Variants in NRXN3 observed in about 807,000 individuals in gnomAD.
NRXN3 encodes neurexin 3, also known as neurexin III.
Under a neutral mutation model 137.6 loss-of-function variants are expected in NRXN3, and 32 were observed. That is an observed-to-expected ratio of 0.23 (90% CI 0.18 to 0.31). The LOEUF (loss-of-function observed/expected upper bound fraction) is 0.31, where lower values mean the gene tolerates loss of function less well. Among genes scored for constraint, NRXN3 ranks in the 10% least tolerant of loss-of-function variants. The pLI, the probability that NRXN3 is intolerant of heterozygous loss-of-function variation, is 1.00. For missense variants in NRXN3, 1,574 were observed against 2,062.5 expected (o/e 0.76, Z 4.59); for synonymous variants, 798 against 784.5 (o/e 1.02, Z -0.29).
At chr14:79,023,928 G>A (rs547938772) in intron 15 of NRXN3, among the ~76,000 whole-genome samples, 1 of 152,100 alleles carries the variant, frequency 6.6e-6, no homozygotes, top group Non-Finnish European at 1.5e-5. Flanking sequence ...GGCCTTCTGT[G>A]CAGAGGGAAC....
rs148959107 is a variant in NRXN3, at chr14:79,647,851, G to A, written c.3445-15927G>A. On this transcript the variant is annotated intron_variant, in intron 16 of 20. Coordinates refer to ENST00000335750, the MANE Select transcript of NRXN3 (RefSeq NM_001330195.2). The stretch of plus-strand genomic sequence containing the variant: ...ATCCTCATGACAATCTCTCATGGTA[G>A]ATAGTATTTTTTCAGCATTGAAGGT... 2.8e-3 allele frequency among the ~76,000 whole-genome samples: 382 copies of A among 135,602 alleles called. 23 individuals carry two copies. Among genetic ancestry groups the A allele is most frequent in the African/African-American group, 8.9e-3 (364 of 40,884 alleles). The allele number at this position is 135,602 out of a possible 152,430, so 89.0% of individuals were successfully genotyped here. A position where few individuals can be genotyped will look rare whatever the true frequency, so the allele number is the denominator to read the frequency against.
chr14:78,627,128 CTCTCTCTCTCTCTCTCA>C, intron 4 of NRXN3, among the ~76,000 whole-genome samples: 1 of 146,854 alleles, frequency 6.8e-6, no homozygotes, highest in African/African-American at 2.7e-5. Flanking sequence ...CTCTCTCTCT[CTCTCTCTCTCTCTCTCA>C]TTTTTATTAG....
chr14:79,787,489 A>G (rs1481673571), intron 19 of NRXN3, among the ~76,000 whole-genome samples: 2 of 152,218 alleles, frequency 1.3e-5, no homozygotes, highest in Non-Finnish European at 2.9e-5. Context: ...GTAATAGATC[A>G]GAATCTACTT....
intron 15 of NRXN3, among the ~76,000 whole-genome samples, chr14:79,403,198 G>A (rs935595946): frequency 2.0e-5 from 3 of 152,112 alleles, no homozygotes; most frequent in African/African-American, 7.2e-5. Flanking sequence ...CCCAGAAAAG[G>A]TAAAATGAAT....
At chr14:79,810,625 C>G (rs1251572215) in intron 20 of NRXN3, among the ~76,000 whole-genome samples, 2 of 152,104 alleles carry the variant, frequency 1.3e-5, no homozygotes, top group African/African-American at 2.4e-5. Flanking sequence ...TAATATACAA[C>G]CCAAGCTGAG....
intron 8 of NRXN3, among the ~76,000 whole-genome samples, chr14:78,748,930 C>A (rs1024658607): frequency 6.6e-6 from 1 of 152,184 alleles, no homozygotes; most frequent in African/African-American, 2.4e-5. Context: ...CCAGGACATC[C>A]GTGTACAGCC....
chr14:78,593,726 C>A (rs1202022191), intron 4 of NRXN3, among the ~76,000 whole-genome samples: 2 of 152,022 alleles, frequency 1.3e-5, no homozygotes, highest in African/African-American at 4.8e-5. Flanking sequence ...TCATCCTAAC[C>A]CAGCATAGAG....
Position 79,522,101 on chromosome 14 carries a change from G to T in NRXN3, c.3444+54699G>T, listed in dbSNP as rs375539646. Among the ~76,000 whole-genome samples the T allele has an allele frequency of 1.6e-4, 25 of 152,208 alleles. 1 individual carries two copies. The South Asian group carries it at 5.0e-3, about 30-fold the overall frequency. ...TCACAGAAACATAGACAGAGGAAAT[G>T]GTTCCAGGCAGAATCAATGGAATTG... On this transcript the variant is annotated intron_variant, in intron 16 of 20. Transcript: ENST00000335750.
chr14:79,470,570 G>A (rs1296711373), intron 16 of NRXN3, among the ~76,000 whole-genome samples: 1 of 152,152 alleles, frequency 6.6e-6, no homozygotes, highest in African/African-American at 2.4e-5. Flanking sequence ...CGGTGATCAA[G>A]TTTCCAGCAC....
intron 10 of NRXN3, among the ~76,000 whole-genome samples, chr14:78,838,609 T>C (rs568218854): frequency 5.3e-5 from 8 of 152,298 alleles, no homozygotes; most frequent in Admixed American, 2.6e-4. Context: ...CTTAGGATCC[T>C]AAATTTTCAT....
intron 15 of NRXN3, among the ~76,000 whole-genome samples, chr14:79,372,027 A>C (rs528262408): frequency 7.2e-5 from 11 of 152,182 alleles, no homozygotes; most frequent in Non-Finnish European, 1.6e-4. Context: ...TGAACAATTT[A>C]TATGCTGATA....
intron 18 of NRXN3, among the ~76,000 whole-genome samples, chr14:79,695,583 T>C (rs1243894319): frequency 6.6e-6 from 1 of 151,286 alleles, no homozygotes; most frequent in Non-Finnish European, 1.5e-5. Context: ...TGAGGGAGAA[T>C]TTATTTTCCC....
chr14:78,403,426 G>A (rs2092256379), intron 4 of NRXN3, among the ~76,000 whole-genome samples: 1 of 152,108 alleles, frequency 6.6e-6, no homozygotes, highest in Non-Finnish European at 1.5e-5. Flanking sequence ...GGGAATCTTA[G>A]GTCCATGTGA....
At chr14:78,590,939 T>G (rs936133046) in intron 4 of NRXN3, among the ~76,000 whole-genome samples, 1 of 152,030 alleles carries the variant, frequency 6.6e-6, no homozygotes, top group Non-Finnish European at 1.5e-5. Context: ...AAAAGAATGG[T>G]AAATTCCAAT....
chr14:78,170,825 C>T (rs753624925), intron 1 of NRXN3, among the ~76,000 whole-genome samples, 151 bp downstream of exon 1: 1 of 152,148 alleles, frequency 6.6e-6, no homozygotes, highest in African/African-American at 2.4e-5. Context: ...TATCCATGAG[C>T]CTTGGCTGAC....
At chr14:78,377,695 T>C (rs2088155306) in intron 4 of NRXN3, among the ~76,000 whole-genome samples, 1 of 152,230 alleles carries the variant, frequency 6.6e-6, no homozygotes, top group Non-Finnish European at 1.5e-5. Flanking sequence ...GCTTTCTCAA[T>C]ATGTCCTCAC....
At chr14:79,030,629 CTG>C (rs1470411348) in intron 15 of NRXN3, among the ~76,000 whole-genome samples, 3 of 82,388 alleles carry the variant, frequency 3.6e-5, no homozygotes, top group Admixed American at 2.5e-4. Flanking sequence ...GTCTCTTTCT[CTG>C]TGTCTTTTTT....
chr14:78,656,930 C>T (rs1285012233), intron 6 of NRXN3, among the ~76,000 whole-genome samples: 3 of 151,398 alleles, frequency 2.0e-5, no homozygotes, highest in African/African-American at 7.3e-5. Context: ...ACCTGTAGTC[C>T]CAGCTACTTG....
At chr14:79,490,924 T>C (rs528387140) in intron 16 of NRXN3, among the ~76,000 whole-genome samples, 11 of 152,098 alleles carry the variant, frequency 7.2e-5, no homozygotes, top group Non-Finnish European at 1.6e-4. Context: ...CTCACATACT[T>C]CATAAATATA....
Sources: allele counts gnomAD v4.1 joint callset (sites outside exome capture counted in the v4.1 genomes callset), GRCh38; gene constraint gnomAD v4.1.1; transcripts MANE v1.5; gene names NCBI Gene and HGNC (gene_info 2026-07-23, HGNC 2026-07-21).